Variants in MYO1H observed in about 807,000 individuals in gnomAD.
MYO1H encodes the protein myosin IH, also known as unconventional myosin-Ih.
A neutral mutation model predicts 149.3 loss-of-function variants in MYO1H; 118 were observed. That is an observed-to-expected ratio of 0.79 (90% CI 0.68 to 0.92). MYO1H has a LOEUF of 0.92. MYO1H is among the 40% of genes least tolerant of loss of function. The pLI is 0.00. For synonymous variants in MYO1H, 447 were observed against 465.2 expected, an observed-to-expected ratio of 0.96 and a Z score of 0.50; for missense variants, 1,212 against 1,280.7, an observed-to-expected ratio of 0.95 and a Z score of 0.82.
chr12:109,435,279 T>C (rs1180329479), intron 21 of MYO1H, among the ~76,000 whole-genome samples, 166 bp downstream of exon 21: 1 of 152,232 alleles, frequency 6.6e-6, no homozygotes, highest in Non-Finnish European at 1.5e-5. Context: ...ATTTCTGCTT[T>C]AATGACTGCT....
chr12:109,409,939 T>A (rs1309261620), intron 11 of MYO1H, 24 bp from the exon 12 acceptor site: 2 of 1,305,774 alleles, frequency 1.5e-6, no homozygotes, highest in African/African-American at 3.0e-5. Context: ...TAACTTTAGT[T>A]ACTTAAATCT....
rs149587945 is a variant in MYO1H, at chr12:109,363,898, C to G, written c.12+15926C>G. 7.3e-5 allele frequency among the ~76,000 whole-genome samples: 11 copies of G among 151,642 alleles called. No homozygotes were observed. The East Asian group carries it at 2.0e-3, about 27-fold the overall frequency. On this transcript the variant is annotated intron_variant, in intron 1 of 31. Coordinates refer to ENST00000310903, the Ensembl canonical transcript of MYO1H. ...CTGACAAGTCAGTGGGGAAAACAGACAGACATCAGAAGTGGGTCAGGCTGG... is the reference window on the plus strand; with the variant it reads ...CTGACAAGTCAGTGGGGAAAACAGAGAGACATCAGAAGTGGGTCAGGCTGG...
intron 1 of MYO1H, among the ~76,000 whole-genome samples, chr12:109,382,583 GTGT>G (rs1039694469): frequency 2.0e-4 from 30 of 152,090 alleles, no homozygotes; most frequent in African/African-American, 6.7e-4. Context: ...TATGATAATG[GTGT>G]TGTGATTACA....
intron 15 of MYO1H, among the ~76,000 whole-genome samples, chr12:109,419,979 C>T (rs1264496873): frequency 6.6e-6 from 1 of 152,124 alleles, no homozygotes; most frequent in Non-Finnish European, 1.5e-5. Flanking sequence ...AAGTTTTAAA[C>T]CTGGAAATGA....
the MYO1H span, among the ~76,000 whole-genome samples, chr12:109,314,330 ATTCTGAGCTACC>A: frequency 1.3e-5 from 2 of 151,846 alleles, no homozygotes; most frequent in Non-Finnish European, 2.9e-5. Flanking sequence ...GCCCTGGAAA[ATTCTGAGCTACC>A]TTCTGAATCA....
chr12:109,428,778 G>A (rs1309948039), intron 19 of MYO1H, among the ~76,000 whole-genome samples: 1 of 147,106 alleles, frequency 6.8e-6, no homozygotes, highest in African/African-American at 2.5e-5. Flanking sequence ...AGATGGCAGG[G>A]CAACAGCCAC....
At chr12:109,358,846 TA>T (rs541289093) in intron 1 of MYO1H, among the ~76,000 whole-genome samples, 10,180 of 84,244 alleles carry the variant, frequency 0.12, 518 homozygotes, top group African/African-American at 0.18. Context: ...CCTGTGGTGT[TA>T]AAAAAAAAAA....
At chr12:109,417,897 G>C (rs938532990) in intron 15 of MYO1H, among the ~76,000 whole-genome samples, 25 of 151,810 alleles carry the variant, frequency 1.6e-4, no homozygotes, top group Admixed American at 9.2e-4. Flanking sequence ...CTCACTGCAA[G>C]CTCCGCCTCC....
At chr12:109,391,142 C>T (rs958351810) in intron 2 of MYO1H, among the ~76,000 whole-genome samples, 1 of 152,150 alleles carries the variant, frequency 6.6e-6, no homozygotes, top group East Asian at 1.9e-4. Context: ...CATAGGTAAA[C>T]GTGCTGTGGT....
chr12:109,326,304 G>A, the MYO1H span, among the ~76,000 whole-genome samples: 1 of 151,986 alleles, frequency 6.6e-6, no homozygotes, highest in South Asian at 2.1e-4. Flanking sequence ...CATGCTGTCT[G>A]TCATCCCTTC....
chr12:109,332,297 G>A, the MYO1H span, among the ~76,000 whole-genome samples: 3 of 152,216 alleles, frequency 2.0e-5, no homozygotes, highest in African/African-American at 7.2e-5. Flanking sequence ...AGTGGTCAGA[G>A]CCCAGAAACA....
At chr12:109,432,621 G>T (rs574008972) in intron 19 of MYO1H, among the ~76,000 whole-genome samples, 4 of 152,286 alleles carry the variant, frequency 2.6e-5, no homozygotes, top group African/African-American at 9.6e-5. Flanking sequence ...CAGATACCTA[G>T]GAGTGGAATT....
intron 1 of MYO1H, among the ~76,000 whole-genome samples, chr12:109,354,618 T>TAAAA (rs1555247905): frequency 7.0e-4 from 84 of 119,400 alleles, no homozygotes; most frequent in African/African-American, 2.0e-3. Context: ...AGACTCTGTC[T>TAAAA]AAAAAAAAAA....
chr12:109,388,339 G>A lies in MYO1H; in HGVS notation c.13-344G>A, dbSNP rs780365632. On this transcript the variant is annotated intron_variant, in intron 1 of 31. Coordinates refer to ENST00000310903, the Ensembl canonical transcript of MYO1H. ...CTGCGTCTTTTGGCAGATTTTGGGC[G>A]TGGCTTATGACATTCCTATGCCTCA... Among the ~76,000 whole-genome samples the A allele has an allele frequency of 1.7e-4, 26 of 152,188 alleles. 1 individual carries two copies. Among genetic ancestry groups the A allele is most frequent in the Admixed American group, 1.2e-3 (18 of 15,274 alleles).
the MYO1H span, among the ~76,000 whole-genome samples, chr12:109,335,514 G>A: frequency 6.6e-6 from 1 of 151,670 alleles, no homozygotes; most frequent in Non-Finnish European, 1.5e-5. Context: ...CCTATCCCCC[G>A]TCAATCATAC....
Position 109,347,975 on chromosome 12 carries a change from A to C in MYO1H, c.12+3A>C. 1 of 399,096 alleles carries C rather than the reference A, an allele frequency of 2.5e-6. No homozygotes were observed. Among genetic ancestry groups the C allele is most frequent in the Non-Finnish European group, 4.4e-6 (1 of 226,068 alleles). 24.7% of individuals were successfully genotyped at this position (399,096 alleles called of 1,614,324 possible). On this transcript the variant is annotated splice_donor_region_variant and intron_variant, in intron 1 of 31. Transcript: ENST00000310903. ...CTCTGTGCGTGATGGAATCCAAGGTAATGTGACTTGAACACTAGAAGGTGG... is the reference window on the plus strand; with the variant it reads ...CTCTGTGCGTGATGGAATCCAAGGTCATGTGACTTGAACACTAGAAGGTGG...
At chr12:109,342,677 G>A in the MYO1H span, among the ~76,000 whole-genome samples, 1 of 150,522 alleles carries the variant, frequency 6.6e-6, no homozygotes, top group East Asian at 2.0e-4. Flanking sequence ...CAAGTATTTG[G>A]GACCACAGGT....
At chr12:109,436,822 CTCA>C (rs1211194612) in intron 22 of MYO1H, among the ~76,000 whole-genome samples, 1 of 152,056 alleles carries the variant, frequency 6.6e-6, no homozygotes, top group Non-Finnish European at 1.5e-5. Flanking sequence ...GTCGCGGTGG[CTCA>C]TACCTATAAT....
At chr12:109,440,435 G>GCCCC (rs1872069567) in intron 24 of MYO1H, 3 of 310,812 alleles carry the variant, frequency 9.7e-6, no homozygotes, top group African/African-American at 6.6e-5. Flanking sequence ...GGAACTTAGA[G>GCCCC]GCGGGGCTGT....
Sources: gnomAD v4.1 joint callset for allele counts (sites outside exome capture counted in the v4.1 genomes callset) on GRCh38, gnomAD v4.1.1 for gene constraint, MANE v1.5 for transcripts, NCBI Gene and HGNC (gene_info 2026-07-23, HGNC 2026-07-21) for gene names.